The following DPYD variants were observed in gnomAD, a reference collection of about 807,000 sequenced individuals.
DPYD encodes dihydropyrimidine dehydrogenase.
DPYD carries 109 observed loss-of-function variants against 116.2 expected under a neutral mutation model. The observed-to-expected ratio is 0.94, with a 90% CI of 0.80 to 1.10. DPYD has a LOEUF of 1.10. DPYD is among the 50% of genes least tolerant of loss of function. The pLI, the probability that DPYD is intolerant of heterozygous loss-of-function variation, is 0.00. For missense variants in DPYD, 1,302 were observed against 1,254.5 expected (o/e 1.04, Z -0.57); for synonymous variants, 440 against 432.0 (o/e 1.02, Z -0.23).
chr1:97,085,163 T>G (rs1649426515), intron 21 of DPYD, among the ~76,000 whole-genome samples: 1 of 152,226 alleles, frequency 6.6e-6, no homozygotes, highest in Non-Finnish European at 1.5e-5. Context: ...AAATAATTTT[T>G]TAAATCTAGT....
At chr1:97,388,624 A>T (rs56389703) in intron 14 of DPYD, among the ~76,000 whole-genome samples, 29,196 of 152,030 alleles carry the variant, frequency 0.19, 2,980 homozygotes, top group South Asian at 0.38. Flanking sequence ...GTAACCTTTA[A>T]AACAGGGGTT....
intron 3 of DPYD, among the ~76,000 whole-genome samples, chr1:97,815,744 ATTTG>A (rs1156558392): frequency 6.6e-6 from 1 of 152,188 alleles, no homozygotes. Context: ...GGTTTCATTT[ATTTG>A]TTTGTCTTTA....
intron 13 of DPYD, among the ~76,000 whole-genome samples, chr1:97,488,651 T>A (rs1678791041): frequency 6.6e-6 from 1 of 152,064 alleles, no homozygotes; most frequent in South Asian, 2.1e-4. Context: ...CAGACCCAAT[T>A]GAGACCTAGC....
At chr1:97,508,353 T>C (rs947392132) in intron 13 of DPYD, among the ~76,000 whole-genome samples, 3 of 151,890 alleles carry the variant, frequency 2.0e-5, no homozygotes, top group East Asian at 1.9e-4. Context: ...CCAAGCAAAA[T>C]GGTCCTAAGA....
chr1:97,876,873 T>C (rs1671946723), intron 2 of DPYD, among the ~76,000 whole-genome samples: 1 of 151,934 alleles, frequency 6.6e-6, no homozygotes, highest in Non-Finnish European at 1.5e-5. Context: ...TAAAAGTAAC[T>C]TTTTTCCTCC....
At chr1:97,733,734 C>A (rs1327285105) in intron 4 of DPYD, among the ~76,000 whole-genome samples, 1 of 151,946 alleles carries the variant, frequency 6.6e-6, no homozygotes, top group Non-Finnish European at 1.5e-5. Flanking sequence ...ATAAAGCATG[C>A]TGGTGAAACA....
chr1:97,854,686 T>C (rs1262988042), intron 2 of DPYD, among the ~76,000 whole-genome samples: 1 of 152,232 alleles, frequency 6.6e-6, no homozygotes, highest in Non-Finnish European at 1.5e-5. Context: ...TTTTGAAAGC[T>C]GGTATTAGTG....
chr1:97,483,801 T>C (rs113832718), intron 13 of DPYD, among the ~76,000 whole-genome samples: 29 of 152,196 alleles, frequency 1.9e-4, no homozygotes, highest in African/African-American at 6.7e-4. Flanking sequence ...TTCTCTCTTC[T>C]GCCATATAAG....
At chr1:97,832,015 G>A (rs1046833560) in intron 2 of DPYD, among the ~76,000 whole-genome samples, 1 of 146,844 alleles carries the variant, frequency 6.8e-6, no homozygotes, top group Non-Finnish European at 1.5e-5. Flanking sequence ...AGCAACCATG[G>A]TACACATTAT....
At chr1:97,086,045 G>C (rs181490469) in intron 21 of DPYD, among the ~76,000 whole-genome samples, 2 of 151,954 alleles carry the variant, frequency 1.3e-5, no homozygotes, top group East Asian at 1.9e-4. Flanking sequence ...AAAAGTTGTC[G>C]TTGTTTTGTT....
chr1:97,886,994 A>G (rs991236973), intron 1 of DPYD, among the ~76,000 whole-genome samples: 1 of 151,970 alleles, frequency 6.6e-6, no homozygotes, highest in Non-Finnish European at 1.5e-5. Context: ...AATCAACCAG[A>G]AGCCACTGGA....
intron 14 of DPYD, among the ~76,000 whole-genome samples, chr1:97,389,979 G>A (rs2101597564): frequency 6.6e-6 from 1 of 151,872 alleles, no homozygotes; most frequent in African/African-American, 2.4e-5. Context: ...TTTCCTTAGG[G>A]AATAAATAAA....
At chr1:97,644,866 C>A (rs992050781) in intron 8 of DPYD, among the ~76,000 whole-genome samples, 1 of 151,866 alleles carries the variant, frequency 6.6e-6, no homozygotes, top group African/African-American at 2.4e-5. Flanking sequence ...GAAAAGTGAC[C>A]CTTCACTGTT....
At chr1:97,357,141 T>G (rs1164023443) in intron 16 of DPYD, among the ~76,000 whole-genome samples, 1 of 152,228 alleles carries the variant, frequency 6.6e-6, no homozygotes, top group East Asian at 1.9e-4. Flanking sequence ...CCAATTCTTC[T>G]AATCCATGAA....
chr1:97,721,469 G>A, intron 5 of DPYD, 41 bp downstream of exon 5: 4 of 1,607,114 alleles, frequency 2.5e-6, no homozygotes, highest in Non-Finnish European at 1.7e-6. Context: ...TTTGTGCATG[G>A]TGATGGTAGT....
intron 13 of DPYD, among the ~76,000 whole-genome samples, chr1:97,488,971 C>T (rs998295801): frequency 7.9e-5 from 12 of 152,166 alleles, no homozygotes; most frequent in Admixed American, 1.3e-4. Flanking sequence ...TGTATGCTGC[C>T]GCTTCAGTAA....
chr1:97,258,913 A>G (rs1024475142), intron 18 of DPYD, among the ~76,000 whole-genome samples: 2 of 152,162 alleles, frequency 1.3e-5, no homozygotes, highest in Non-Finnish European at 2.9e-5. Flanking sequence ...GACATAAAAG[A>G]TTTCATTCAC....
intron 2 of DPYD, among the ~76,000 whole-genome samples, chr1:97,872,992 CT>C (rs1671733557): frequency 6.6e-6 from 1 of 151,758 alleles, no homozygotes; most frequent in South Asian, 2.1e-4. Context: ...CCTCCTTCAT[CT>C]TTATTTTCAG....
chr1:97,710,565 T>C (rs2101000323), intron 5 of DPYD, among the ~76,000 whole-genome samples: 1 of 151,970 alleles, frequency 6.6e-6, no homozygotes, highest in East Asian at 1.9e-4. Context: ...AAGATTTTTT[T>C]CCATAATTTT....
Sources: allele counts gnomAD v4.1 joint callset (sites outside exome capture counted in the v4.1 genomes callset), GRCh38; gene constraint gnomAD v4.1.1; transcripts MANE v1.5; gene names NCBI Gene and HGNC (gene_info 2026-07-23, HGNC 2026-07-21).